QRICH1: variants seen among roughly 807,000 people sequenced by gnomAD.
The protein encoded by QRICH1 is glutamine rich 1.
In QRICH1, 16 loss-of-function variants were observed where a neutral mutation model predicts 87.1. The ratio of observed to expected loss-of-function variants is 0.18; its 90% CI spans 0.12 to 0.28. QRICH1 has a LOEUF of 0.28. Among genes scored for constraint, QRICH1 ranks in the 10% least tolerant of loss-of-function variants. QRICH1 has a pLI of 1.00. For missense variants in QRICH1, 647 were observed against 951.7 expected, an observed-to-expected ratio of 0.68 and a Z score of 4.21; for synonymous variants, 367 against 368.4, an observed-to-expected ratio of 1.00 and a Z score of 0.05.
intron 1 of QRICH1, among the ~76,000 whole-genome samples, chr3:49,090,020 C>T (rs960899919): frequency 1.3e-5 from 2 of 152,146 alleles, no homozygotes; most frequent in African/African-American, 4.8e-5. Flanking sequence ...AATTTTAAAA[C>T]AAAGAAAAAC....
chr3:49,067,141 T>C (rs1013233624), intron 2 of QRICH1, among the ~76,000 whole-genome samples: 4 of 152,188 alleles, frequency 2.6e-5, no homozygotes, highest in African/African-American at 9.7e-5. Context: ...ACTAGGGAGT[T>C]AGAACCTCCC....
chr3:49,032,055 G>A lies in QRICH1; in HGVS notation c.2138+128C>T, dbSNP rs912068003. 5.0e-5 allele frequency: 38 copies of A among 756,544 alleles called. 1 individual carries two copies. In the South Asian group the frequency reaches 6.5e-4, roughly 13 times the overall value. The allele number at this position is 756,544 out of a possible 1,614,324, so 46.9% of individuals were successfully genotyped here. A position where few individuals can be genotyped will look rare whatever the true frequency, so the allele number is the denominator to read the frequency against. On this transcript the variant is annotated intron_variant, in intron 9 of 9. Coordinates refer to ENST00000395443, the MANE Select transcript of QRICH1 (RefSeq NM_198880.3). ...GGCTGCTTCTAAATTTAGCTTTCTG[G>A]AAGTGTTTTTACTTGGTTTGGGACT...
chr3:49,031,509 C>G (rs968645483), intron 9 of QRICH1, among the ~76,000 whole-genome samples: 1 of 152,128 alleles, frequency 6.6e-6, no homozygotes, highest in African/African-American at 2.4e-5. Context: ...AAAGTATTTC[C>G]TACCCATGGA....
chr3:49,058,584 C>T (rs927546025), intron 2 of QRICH1, among the ~76,000 whole-genome samples: 2 of 152,108 alleles, frequency 1.3e-5, no homozygotes, highest in Non-Finnish European at 2.9e-5. Context: ...CCTCGGCCTC[C>T]CAAAGTGCTG....
chr3:49,081,805 CCTT>C (rs2042066540), intron 1 of QRICH1, among the ~76,000 whole-genome samples: 1 of 151,486 alleles, frequency 6.6e-6, no homozygotes, highest in Non-Finnish European at 1.5e-5. Flanking sequence ...CTGGCCGAAG[CCTT>C]CTATTTTTTT....
intron 2 of QRICH1, among the ~76,000 whole-genome samples, chr3:49,067,240 G>T (rs763554591): frequency 6.6e-6 from 1 of 152,078 alleles, no homozygotes; most frequent in Non-Finnish European, 1.5e-5. Context: ...ATCCAAAATA[G>T]TAAGAATTTA....
At chr3:49,056,754 C>T in intron 3 of QRICH1, 108 bp downstream of exon 3, 1 of 1,519,516 alleles carries the variant, frequency 6.6e-7, no homozygotes, top group Non-Finnish European at 9.0e-7. Flanking sequence ...TACTGCATCA[C>T]TGTAAGAGTA....
intron 6 of QRICH1, among the ~76,000 whole-genome samples, chr3:49,043,728 G>C (rs564527573): frequency 6.6e-6 from 1 of 152,246 alleles, no homozygotes; most frequent in East Asian, 1.9e-4. Context: ...TCAGGAGGCT[G>C]AGGTAGGAGA....
intron 1 of QRICH1, among the ~76,000 whole-genome samples, chr3:49,087,281 A>C (rs2042184014): frequency 6.7e-6 from 1 of 149,216 alleles, no homozygotes. Context: ...AAAATAGGCC[A>C]GGCACAGTGG....
intron 2 of QRICH1, among the ~76,000 whole-genome samples, chr3:49,069,100 TA>T (rs770801068): frequency 1.5e-3 from 123 of 84,342 alleles, no homozygotes; most frequent in South Asian, 9.9e-3. Context: ...TTATTATTAT[TA>T]TTATTATTTT....
At position 49,030,517 on chromosome 3, in the gene QRICH1, G is replaced by A. The variant is rs757870894; in HGVS notation, c.2266C>T (p.Arg756Trp). 1.2e-6 allele frequency: 2 copies of A among 1,614,090 alleles called. No homozygotes were observed. Among genetic ancestry groups the A allele is most frequent in the Non-Finnish European group, 1.7e-6 (2 of 1,180,030 alleles). Reference protein sequence around the residue: ...SREQMGQMLTRILVIREIQEA... With the variant: ...SREQMGQMLTWILVIREIQEA... ...TGAATTTCTCTTATCACCAGGATCC[G>A]CGTCAGCATTTGTCCCATCTGCTCT... The change falls in exon 10 of 10, where the codon CGG becomes TGG. Residue 756 changes from arginine to tryptophan, a missense_variant. Arg to Trp is a moderately radical substitution (Grantham distance 101). Around this residue, in one of 7 missense-constraint regions of QRICH1, gnomAD observed 56 missense variants for 79.4 expected, o/e 0.71. Coordinates refer to ENST00000395443, the MANE Select transcript of QRICH1 (RefSeq NM_198880.3).
At position 49,058,139 on chromosome 3, in the gene QRICH1, G is replaced by T. The variant is rs2093413927; in HGVS notation, c.310-249C>A. 4 of 590,862 alleles carry T rather than the reference G, an allele frequency of 6.8e-6. No homozygotes were observed. The South Asian group carries it at 7.2e-5, about 11-fold the overall frequency. The allele number at this position is 590,862 out of a possible 1,614,324, so 36.6% of individuals were successfully genotyped here. The stretch of plus-strand genomic sequence containing the variant: ...AGACAATTAACTGGGGCCTAAAAAG[G>T]AAATACCAAAAAAAAAAATTTTTTT... On this transcript the variant is annotated intron_variant, in intron 2 of 9. Transcript: ENST00000395443.
intron 6 of QRICH1, among the ~76,000 whole-genome samples, chr3:49,036,719 C>T (rs1018344787): frequency 2.0e-5 from 3 of 151,660 alleles, no homozygotes; most frequent in Admixed American, 1.3e-4. Context: ...CAGCCGTTAA[C>T]CCTTCCTCTT....
intron 2 of QRICH1, among the ~76,000 whole-genome samples, chr3:49,075,158 CAAA>C (rs879670710): frequency 5.8e-5 from 7 of 121,220 alleles, no homozygotes; most frequent in Non-Finnish European, 8.9e-5. Flanking sequence ...TATATCTCTA[CAAA>C]AAAAAAAAAA....
chr3:49,034,036 T>G (rs1020351285), intron 6 of QRICH1, among the ~76,000 whole-genome samples: 6 of 151,384 alleles, frequency 4.0e-5, no homozygotes, highest in African/African-American at 1.2e-4. Context: ...ACGGCTATTG[T>G]CATTTCTTCT....
intron 6 of QRICH1, 190 bp from the exon 7 acceptor site, chr3:49,033,418 A>C (rs1488848144): frequency 1.0e-5 from 4 of 393,006 alleles, no homozygotes; most frequent in African/African-American, 8.3e-5. Flanking sequence ...TCTGTTTCTG[A>C]GGTGGAACCT....
intron 2 of QRICH1, among the ~76,000 whole-genome samples, chr3:49,074,614 G>A (rs1559949540): frequency 6.6e-6 from 1 of 151,478 alleles, no homozygotes. Flanking sequence ...TCAGTCATAT[G>A]AAGCTATCAC....
At chr3:49,086,423 AT>A (rs1017829693) in intron 1 of QRICH1, among the ~76,000 whole-genome samples, 2 of 151,506 alleles carry the variant, frequency 1.3e-5, no homozygotes, top group African/African-American at 2.4e-5. Flanking sequence ...CGCCCGGCTA[AT>A]TTTTTTGTAT....
chr3:49,093,898 A>C lies in QRICH1; in HGVS notation c.-22+14T>G, dbSNP rs1575394139. 6.3e-6 allele frequency: 1 copy of C among 159,358 alleles called. No homozygotes were observed. The allele number at this position is 159,358 out of a possible 1,614,324, so 9.9% of individuals were successfully genotyped here. ...ACAGCTTCGCCGCATCCCCACCCGC[A>C]CTGGAGCCCTCACCCGGCGACGTCA... On this transcript the variant is annotated intron_variant, in intron 1 of 9. Coordinates refer to ENST00000395443, the MANE Select transcript of QRICH1 (RefSeq NM_198880.3).
Sources: allele counts gnomAD v4.1 joint callset (sites outside exome capture counted in the v4.1 genomes callset), GRCh38; gene constraint gnomAD v4.1.1; regional missense constraint gnomAD v4.1.1; transcripts MANE v1.5; gene names NCBI Gene and HGNC (gene_info 2026-07-23, HGNC 2026-07-21).